The following TMEM74 variants were observed in gnomAD, a reference collection of about 807,000 sequenced individuals.
TMEM74 encodes the protein transmembrane protein 74.
Under a neutral mutation model 18.1 loss-of-function variants are expected in TMEM74, and 13 were observed. That is an observed-to-expected ratio of 0.72 (90% CI 0.47 to 1.14). The LOEUF (loss-of-function observed/expected upper bound fraction) is 1.14. Ranked by LOEUF, TMEM74 falls within the 50% of genes most tolerant of loss-of-function variation. TMEM74 has a pLI of 0.00. For missense variants in TMEM74, 372 were observed against 375.9 expected (o/e 0.99, Z 0.09); for synonymous variants, 159 against 146.6 (o/e 1.08, Z -0.61).
At chr8:108,697,234 T>C (rs1367533644) in intron 1 of TMEM74, among the ~76,000 whole-genome samples, 1 of 152,152 alleles carries the variant, frequency 6.6e-6, no homozygotes. Context: ...TTACTAGGAT[T>C]CTTTAACCCA....
intron 2 of TMEM74, among the ~76,000 whole-genome samples, chr8:108,640,760 A>G (rs549545899): frequency 6.6e-6 from 1 of 152,240 alleles, no homozygotes; most frequent in Admixed American, 6.5e-5. Context: ...CCTAGTTGGT[A>G]TCTTGGGATA....
intron 2 of TMEM74, among the ~76,000 whole-genome samples, chr8:108,642,223 AC>A (rs1812672588): frequency 1.3e-5 from 2 of 151,798 alleles, no homozygotes; most frequent in South Asian, 4.2e-4. Flanking sequence ...ACACGGTGAA[AC>A]CCTGTTTCTA....
chr8:108,652,733 T>A, intron 2 of TMEM74: 1 of 533,124 alleles, frequency 1.9e-6, no homozygotes, highest in Non-Finnish European at 3.5e-6. Context: ...GCAAAGAGAT[T>A]CTTTTGGAAG....
chr8:108,751,508 G>A (rs1813904268), intron 1 of TMEM74, among the ~76,000 whole-genome samples: 2 of 151,996 alleles, frequency 1.3e-5, no homozygotes, highest in African/African-American at 4.8e-5. Flanking sequence ...CAAACTGCTA[G>A]ATACTATAAA....
chr8:108,683,414 A>G (rs550727934), intron 1 of TMEM74, among the ~76,000 whole-genome samples: 23 of 151,972 alleles, frequency 1.5e-4, no homozygotes, highest in African/African-American at 4.8e-4. Flanking sequence ...CATTTTTTTC[A>G]GACAATAATG....
intron 1 of TMEM74, among the ~76,000 whole-genome samples, chr8:108,674,194 C>A (rs923113528): frequency 2.0e-5 from 3 of 152,060 alleles, no homozygotes; most frequent in Admixed American, 6.6e-5. Context: ...TATACATGAG[C>A]TTTGTGGGGC....
chr8:108,693,627 A>C (rs956897322), intron 1 of TMEM74, among the ~76,000 whole-genome samples: 3 of 152,348 alleles, frequency 2.0e-5, no homozygotes, highest in East Asian at 1.9e-4. Flanking sequence ...GTGTTACCAA[A>C]TGCCTTCCTA....
rs1019892042 is a variant in TMEM74, at chr8:108,624,029, G to T, written n.265-15203C>A. On this transcript the variant is annotated intron_variant and non_coding_transcript_variant, in intron 2 of 3. Transcript: ENST00000518838. ...AAGTTAATTCTTCCAGCCATAGTCA[G>T]ATTTCCCAGTGCCAGGATATGCATA... Among the ~76,000 whole-genome samples, 19 of 152,180 alleles carry T rather than the reference G, an allele frequency of 1.2e-4. 2 individuals are homozygous for T. The highest frequency in any genetic ancestry group is 5.9e-4 in the Admixed American group (9 of 15,262).
chr8:108,695,098 C>T (rs1813267029), intron 1 of TMEM74, among the ~76,000 whole-genome samples: 1 of 152,162 alleles, frequency 6.6e-6, no homozygotes, highest in Non-Finnish European at 1.5e-5. Flanking sequence ...GCTCCACTCT[C>T]CAGCCAGGAA....
intron 2 of TMEM74, among the ~76,000 whole-genome samples, chr8:108,620,923 T>C (rs1237118560): frequency 1.3e-5 from 2 of 152,138 alleles, no homozygotes; most frequent in Admixed American, 6.6e-5. Flanking sequence ...TCTTTCAGTT[T>C]GAGGAATCCA....
intron 1 of TMEM74, among the ~76,000 whole-genome samples, chr8:108,699,062 G>T (rs1016230500): frequency 1.3e-5 from 2 of 151,832 alleles, no homozygotes; most frequent in Non-Finnish European, 2.9e-5. Context: ...CTTTGACCAG[G>T]CATTGCCCTT....
At chr8:108,667,175 C>T (rs1812957388) in intron 1 of TMEM74, among the ~76,000 whole-genome samples, 2 of 152,132 alleles carry the variant, frequency 1.3e-5, no homozygotes, top group Non-Finnish European at 2.9e-5. Flanking sequence ...AGATTAAAAA[C>T]AGACTCTTGT....
chr8:108,652,486 T>A, intron 2 of TMEM74: 1 of 412,176 alleles, frequency 2.4e-6, no homozygotes, highest in Non-Finnish European at 4.5e-6. Context: ...TGATGCAGAA[T>A]GCAAATGCCA....
Position 108,611,328 on chromosome 8 carries a change from A to G in TMEM74, n.265-2502T>C, listed in dbSNP as rs139732826. On this transcript the variant is annotated intron_variant and non_coding_transcript_variant, in intron 2 of 3. Coordinates refer to the TMEM74 transcript ENST00000518838. ...GACTTTATAGGAGACATTAAGAACA[A>G]TAAATCTGAATCACTAACTTTCCTA... Among the ~76,000 whole-genome samples the G allele has an allele frequency of 3.0e-3, 458 of 152,332 alleles. 2 individuals are homozygous for G. Among genetic ancestry groups the G allele is most frequent in the African/African-American group, 0.01 (436 of 41,580 alleles).
intron 1 of TMEM74, among the ~76,000 whole-genome samples, chr8:108,755,957 T>G (rs1158890825): frequency 1.3e-5 from 2 of 152,056 alleles, no homozygotes; most frequent in African/African-American, 4.8e-5. Flanking sequence ...TGGGGAGTAC[T>G]TTTTCTTCTT....
intron 2 of TMEM74, among the ~76,000 whole-genome samples, chr8:108,618,650 A>G (rs1486989528): frequency 1.3e-5 from 2 of 152,164 alleles, no homozygotes; most frequent in African/African-American, 4.8e-5. Flanking sequence ...GTAGGGACTG[A>G]CGCACTGAAA....
chr8:108,708,845 A>G (rs994430534), intron 1 of TMEM74, among the ~76,000 whole-genome samples: 3 of 147,944 alleles, frequency 2.0e-5, no homozygotes, highest in African/African-American at 7.6e-5. Context: ...AACCCAAATA[A>G]CATGATTAAA....
chr8:108,657,442 T>A (rs1038305643), intron 1 of TMEM74, among the ~76,000 whole-genome samples: 2 of 152,092 alleles, frequency 1.3e-5, no homozygotes, highest in Admixed American at 1.3e-4. Flanking sequence ...ATGTTTGGGT[T>A]CCTGGATGCT....
chr8:108,661,771 A>G (rs541181928), intron 1 of TMEM74, among the ~76,000 whole-genome samples: 62 of 152,204 alleles, frequency 4.1e-4, no homozygotes, highest in African/African-American at 1.4e-3. Context: ...GGTAGGTGAC[A>G]CTTAGTGTTT....
Sources: allele counts gnomAD v4.1 joint callset (sites outside exome capture counted in the v4.1 genomes callset), GRCh38; gene constraint gnomAD v4.1.1; transcripts MANE v1.5; gene names NCBI Gene and HGNC (gene_info 2026-07-23, HGNC 2026-07-21).